DERL1: variants seen among roughly 807,000 people sequenced by gnomAD.
DERL1 encodes derlin 1, also known as derlin-1.
In DERL1, 24 loss-of-function variants were observed where a neutral mutation model predicts 41.6. That is an observed-to-expected ratio of 0.58 (90% CI 0.42 to 0.81). The LOEUF (loss-of-function observed/expected upper bound fraction) is 0.81. Among genes scored for constraint, DERL1 ranks in the 30% least tolerant of loss-of-function variants. The pLI, the probability that DERL1 is intolerant of heterozygous loss-of-function variation, is 0.00. For missense variants in DERL1, 260 were observed against 314.3 expected (o/e 0.83, Z 1.31); for synonymous variants, 124 against 112.5 (o/e 1.10, Z -0.65).
chr8:123,028,217 T>G (rs1226611423), intron 2 of DERL1, among the ~76,000 whole-genome samples: 4 of 152,032 alleles, frequency 2.6e-5, no homozygotes, highest in Non-Finnish European at 5.9e-5. Flanking sequence ...TAATCAGGGG[T>G]GGAGGACAGC....
chr8:123,035,078 A>G (rs986410517), intron 1 of DERL1, among the ~76,000 whole-genome samples: 1 of 152,204 alleles, frequency 6.6e-6, no homozygotes, highest in Non-Finnish European at 1.5e-5. Flanking sequence ...CCTATAAGTT[A>G]CTCAAGGCCT....
rs1812616747 is a variant in DERL1, at chr8:123,023,653, C to T, written c.357+60G>A. On this transcript the variant is annotated intron_variant, in intron 4 of 7. Transcript: ENST00000259512. Reference sequence around the variant, plus strand: ...TGCAATTTCAACTTCTGACAAAGGCCACTAATAGTATATTTGAAACAAATA... The same window carrying T: ...TGCAATTTCAACTTCTGACAAAGGCTACTAATAGTATATTTGAAACAAATA... The T allele has an allele frequency of 2.0e-5, 31 of 1,554,428 alleles. 1 individual carries two copies. The South Asian group carries it at 3.5e-4, about 18-fold the overall frequency.
intron 3 of DERL1, among the ~76,000 whole-genome samples, chr8:123,023,962 A>G (rs1455434589): frequency 6.6e-6 from 1 of 152,228 alleles, no homozygotes; most frequent in East Asian, 1.9e-4. Context: ...TAATTTATAT[A>G]CATATTTTTT....
At chr8:123,016,779 T>C (rs1371448870) in intron 7 of DERL1, 2 of 152,224 alleles carry the variant, frequency 1.3e-5, no homozygotes, top group Non-Finnish European at 2.9e-5. Flanking sequence ...GACTGGAGTC[T>C]GTTTACATCA....
In DERL1 at chr8:123,014,296, T is replaced by C. The variant is rs1814494802; in HGVS notation, c.*1151A>G. ...ATAACACACCCTCAAACCCAAATGATTCTAAAGCCATTTCAACCTTAAATC... is the reference window on the plus strand; with the variant it reads ...ATAACACACCCTCAAACCCAAATGACTCTAAAGCCATTTCAACCTTAAATC... On this transcript the variant is annotated 3_prime_UTR_variant, in exon 8 of 8. Coordinates refer to ENST00000259512, the MANE Select transcript of DERL1 (RefSeq NM_024295.6). 6.6e-6 allele frequency: 1 copy of C among 152,656 alleles called. No individual in the cohort carries two copies. Among genetic ancestry groups the C allele is most frequent in the Non-Finnish European group, 1.5e-5 (1 of 68,054 alleles). 9.5% of individuals were successfully genotyped at this position (152,656 alleles called of 1,614,324 possible).
chr8:123,025,772 TGG>T (rs1812673516), intron 2 of DERL1: 1 of 152,198 alleles, frequency 6.6e-6, no homozygotes, highest in African/African-American at 2.4e-5. Context: ...GAAGGGAGAA[TGG>T]AAAGACCTAC....
rs1586476715 is a variant in DERL1, at chr8:123,042,275, C to T, written c.-153G>A. 7 of 1,059,472 alleles carry T rather than the reference C, an allele frequency of 6.6e-6. No individual in the cohort carries two copies. The highest frequency in any genetic ancestry group is 9.0e-6 in the Non-Finnish European group (7 of 779,046). The allele number at this position is 1,059,472 out of a possible 1,614,324, so 65.6% of individuals were successfully genotyped here. ...CGGAGACGGGCGGACGTGGCGCCAC[C>T]GAATTCGGACCAGCGAGGCAGCCTT... On this transcript the variant is annotated 5_prime_UTR_variant, in exon 1 of 8. Transcript: ENST00000259512.
At chr8:123,016,905 T>C (rs1285116440) in intron 7 of DERL1, 1 of 152,170 alleles carries the variant, frequency 6.6e-6, no homozygotes, top group Non-Finnish European at 1.5e-5. Flanking sequence ...AGTAGCATGA[T>C]CTCAGCTCAC....
In DERL1 at chr8:123,042,130, C is replaced by A; in HGVS notation, c.-8G>T. The A allele has an allele frequency of 6.2e-7, 1 of 1,600,780 alleles. No homozygotes were observed. The highest frequency in any genetic ancestry group is 8.5e-7 in the Non-Finnish European group (1 of 1,171,374). ...GTCTCCGATGTCCGACATCTTCGAC[C>A]CACAGGTAGCCAAGATGCACAAGAC... is the stretch of plus-strand genomic sequence containing the variant. On this transcript the variant is annotated 5_prime_UTR_variant, in exon 1 of 8. Coordinates refer to ENST00000259512, the MANE Select transcript of DERL1 (RefSeq NM_024295.6).
rs1814512158 is a variant in DERL1, at chr8:123,014,840, CA to C, written c.*606del. On this transcript the variant is annotated 3_prime_UTR_variant, in exon 8 of 8. Transcript: ENST00000259512. ...AGTGGCAAACGGTTACAACGGATGT[CA>C]GGTCGAAGCAATTCCAAAAGCTGAG... The C allele has an allele frequency of 6.6e-6, 1 of 152,222 alleles. No individual in the cohort carries two copies. 9.4% of individuals were successfully genotyped at this position (152,222 alleles called of 1,614,324 possible).
chr8:123,041,845 G>T (rs1813081076), intron 1 of DERL1, 125 bp downstream of exon 1: 2 of 1,340,286 alleles, frequency 1.5e-6, no homozygotes, highest in African/African-American at 1.5e-5. Context: ...GCCCTAAACC[G>T]CCGGCGCCGG....
intron 4 of DERL1, among the ~76,000 whole-genome samples, chr8:123,023,477 C>T (rs1379024048): frequency 6.6e-6 from 1 of 152,052 alleles, no homozygotes; most frequent in Non-Finnish European, 1.5e-5. Flanking sequence ...ATCACTTGAA[C>T]CCGGGAGGCG....
intron 6 of DERL1, among the ~76,000 whole-genome samples, chr8:123,020,966 C>CAA (rs542307362): frequency 7.2e-5 from 6 of 82,852 alleles, no homozygotes; most frequent in South Asian, 4.1e-4. Context: ...AACTTCGTCT[C>CAA]AAAAAAAAAA....
chr8:123,038,692 G>A (rs955599775), intron 1 of DERL1, among the ~76,000 whole-genome samples: 2 of 152,128 alleles, frequency 1.3e-5, no homozygotes, highest in South Asian at 2.1e-4. Flanking sequence ...ACAACAAGCC[G>A]GTTTTGACCA....
intron 1 of DERL1, among the ~76,000 whole-genome samples, chr8:123,038,663 G>A (rs1322755178): frequency 6.6e-6 from 1 of 152,148 alleles, no homozygotes; most frequent in Non-Finnish European, 1.5e-5. Context: ...CTACACAAGT[G>A]AGGATTTTGC....
At chr8:123,036,071 GC>G (rs1052298960) in intron 1 of DERL1, among the ~76,000 whole-genome samples, 2 of 151,910 alleles carry the variant, frequency 1.3e-5, no homozygotes, top group Non-Finnish European at 2.9e-5. Flanking sequence ...CAAATGAAAG[GC>G]ACTTAATCTT....
intron 6 of DERL1, among the ~76,000 whole-genome samples, chr8:123,020,645 T>A (rs189146081): frequency 2.6e-5 from 4 of 151,172 alleles, no homozygotes; most frequent in Admixed American, 2.6e-4. Flanking sequence ...TTGACCCTGG[T>A]TGGCCAAAAG....
intron 3 of DERL1, 88 bp downstream of exon 3, chr8:123,024,898 T>C (rs1255936279): frequency 4.4e-6 from 6 of 1,355,598 alleles, no homozygotes; most frequent in Non-Finnish European, 5.1e-6. Context: ...ATATTGTAAT[T>C]TGAAACGTTT....
intron 1 of DERL1, among the ~76,000 whole-genome samples, chr8:123,034,436 G>A (rs889277966): frequency 2.0e-5 from 3 of 152,172 alleles, no homozygotes; most frequent in African/African-American, 4.8e-5. Context: ...CACCACTTCC[G>A]AGCCTCAATT....
Sources: allele counts gnomAD v4.1 joint callset (sites outside exome capture counted in the v4.1 genomes callset), GRCh38; gene constraint gnomAD v4.1.1; transcripts MANE v1.5; gene names NCBI Gene and HGNC (gene_info 2026-07-23, HGNC 2026-07-21).